The following ITGA4 variants were observed in gnomAD, a reference collection of about 807,000 sequenced individuals.
The protein encoded by ITGA4 is integrin subunit alpha 4.
In ITGA4, 63 loss-of-function variants were observed where a neutral mutation model predicts 133.6. The ratio of observed to expected loss-of-function variants is 0.47; its 90% confidence interval spans 0.38 to 0.58. The LOEUF (loss-of-function observed/expected upper bound fraction) is 0.58. ITGA4 is among the 20% of genes least tolerant of loss of function. The pLI is 0.00. For synonymous variants in ITGA4, 483 were observed against 438.0 expected, an observed-to-expected ratio of 1.10 and a Z score of -1.28; for missense variants, 1,076 against 1,252.7, an observed-to-expected ratio of 0.86 and a Z score of 2.13.
chr2:181,480,514 A>C (rs1181818025), intron 6 of ITGA4, among the ~76,000 whole-genome samples: 3 of 151,992 alleles, frequency 2.0e-5, no homozygotes, highest in African/African-American at 7.2e-5. Context: ...AGTTTAGTTT[A>C]CTCTTTGTAG....
intron 2 of ITGA4, among the ~76,000 whole-genome samples, chr2:181,472,096 G>A (rs1418961880): frequency 1.3e-5 from 2 of 152,230 alleles, no homozygotes; most frequent in African/African-American, 4.8e-5. Context: ...GTAAACCTCA[G>A]TGTGAGCCTG....
At position 181,481,569 on chromosome 2, in the gene ITGA4, ACT is replaced by A. The variant is rs775757273; in HGVS notation, c.755-25_755-24del. 1.7e-5 allele frequency: 21 copies of A among 1,241,100 alleles called. No homozygotes were observed. In the East Asian group the frequency reaches 4.3e-4, roughly 25 times the overall value. The allele number at this position is 1,241,100 out of a possible 1,614,324, so 76.9% of individuals were successfully genotyped here. ...TACCATATGATGTACTTTACCCAGG[ACT>A]CTCATACTTTCTCCCTTTTCTTAAA... On this transcript the variant is annotated intron_variant, in intron 6 of 27. Transcript: ENST00000397033.
intron 17 of ITGA4, among the ~76,000 whole-genome samples, chr2:181,515,314 G>A (rs1686583592): frequency 6.6e-6 from 1 of 152,014 alleles, no homozygotes; most frequent in Non-Finnish European, 1.5e-5. Flanking sequence ...GACTCATTAA[G>A]GTTGTCTTAA....
chr2:181,462,128 G>A (rs1045344158), intron 2 of ITGA4, among the ~76,000 whole-genome samples: 2 of 152,204 alleles, frequency 1.3e-5, no homozygotes, highest in African/African-American at 2.4e-5. Flanking sequence ...GAAACATTAA[G>A]TTCTCTGTGT....
chr2:181,536,864 T>C lies in ITGA4; in HGVS notation c.*1337T>C. 1 of 433,006 alleles carries C rather than the reference T, an allele frequency of 2.3e-6. No individual in the cohort carries two copies. 26.8% of individuals were successfully genotyped at this position (433,006 alleles called of 1,614,324 possible). ...CCTTCATAAGAGAGCTGTGGCCGAATTTTGAACATCTGTTATAGGGAGTGA... is the reference window on the plus strand; with the variant it reads ...CCTTCATAAGAGAGCTGTGGCCGAACTTTGAACATCTGTTATAGGGAGTGA... On this transcript the variant is annotated 3_prime_UTR_variant, in exon 28 of 28. Transcript: ENST00000397033.
At chr2:181,475,407 G>A in intron 4 of ITGA4, 119 bp downstream of exon 4, 1 of 795,120 alleles carries the variant, frequency 1.3e-6, no homozygotes, top group Non-Finnish European at 2.0e-6. Context: ...AAGTAATTAT[G>A]TTCTTTTTAA....
In ITGA4 at chr2:181,485,851, A is replaced by G. The variant is rs1427494987; in HGVS notation, c.1042-30A>G. ...TGTAAAGTTGTCAGGGAGTGTTATAATGACACGTTTTCTCTCCCTTTCTAT... is the reference window on the plus strand; with the variant it reads ...TGTAAAGTTGTCAGGGAGTGTTATAGTGACACGTTTTCTCTCCCTTTCTAT... On this transcript the variant is annotated intron_variant, in intron 9 of 27. Transcript: ENST00000397033. The G allele has an allele frequency of 6.5e-6, 10 of 1,549,916 alleles. No individual in the cohort carries two copies. In the Admixed American group the frequency reaches 1.7e-4, roughly 26 times the overall value.
intron 2 of ITGA4, among the ~76,000 whole-genome samples, chr2:181,469,376 G>A (rs183560172): frequency 1.8e-4 from 28 of 152,158 alleles, no homozygotes; most frequent in Non-Finnish European, 3.5e-4. Context: ...ACACCAATCC[G>A]TAAACTTAGA....
chr2:181,520,179 AAC>A (rs1686689304), intron 17 of ITGA4, among the ~76,000 whole-genome samples: 1 of 152,126 alleles, frequency 6.6e-6, no homozygotes, highest in East Asian at 1.9e-4. Flanking sequence ...GAAGGTGGTT[AAC>A]AGTGAGTTTT....
intron 17 of ITGA4, among the ~76,000 whole-genome samples, chr2:181,512,340 T>C (rs546262071): frequency 7.2e-5 from 11 of 151,996 alleles, no homozygotes; most frequent in Non-Finnish European, 1.5e-4. Context: ...GGGATATAAA[T>C]GGAGCAGCTT....
chr2:181,491,228 C>T (rs1686044935), intron 10 of ITGA4, among the ~76,000 whole-genome samples: 1 of 152,174 alleles, frequency 6.6e-6, no homozygotes, highest in East Asian at 1.9e-4. Context: ...ATCACTCTTG[C>T]TAATAACAGG....
rs780466972 is a variant in ITGA4 at position 181,527,445 on chromosome 2, A to C, written c.2430+58A>C. 1.5e-5 allele frequency: 18 copies of C among 1,163,614 alleles called. No individual in the cohort carries two copies. The African/African-American group carries it at 1.7e-4, about 11-fold the overall frequency. The allele number at this position is 1,163,614 out of a possible 1,614,324, so 72.1% of individuals were successfully genotyped here. On this transcript the variant is annotated intron_variant, in intron 22 of 27. Coordinates refer to ENST00000397033, the MANE Select transcript of ITGA4 (RefSeq NM_000885.6). The stretch of plus-strand genomic sequence containing the variant: ...CAACCTAAAAGGATGTCACTGATGC[A>C]TTGCTCCAAGGGACATTGTACACCT...
chr2:181,528,866 T>A (rs1473468818), intron 22 of ITGA4, among the ~76,000 whole-genome samples: 1 of 152,224 alleles, frequency 6.6e-6, no homozygotes, highest in Non-Finnish European at 1.5e-5. Flanking sequence ...TTTTCAGGAA[T>A]CTTCAATCCC....
At chr2:181,458,361 C>T (rs1685185447) in intron 2 of ITGA4, 44 bp downstream of exon 2, 1 of 1,591,784 alleles carries the variant, frequency 6.3e-7, no homozygotes, top group Non-Finnish European at 8.6e-7. Context: ...TCCCGACCCC[C>T]CATGTGGACC....
chr2:181,482,277 T>G, intron 7 of ITGA4, 83 bp from the exon 8 acceptor site: 1 of 1,344,968 alleles, frequency 7.4e-7, no homozygotes, highest in Middle Eastern at 2.4e-4. Flanking sequence ...TTGTAAAAAT[T>G]CATGTTTTGA....
At position 181,457,735 on chromosome 2, in the gene ITGA4, G is replaced by GGTCCC; in HGVS notation, c.83_87dup (p.Thr30SerfsTer41). The GGTCCC allele has an allele frequency of 6.2e-7, 1 of 1,612,980 alleles. No homozygotes were observed. Among genetic ancestry groups the GGTCCC allele is most frequent in the Non-Finnish European group, 8.5e-7 (1 of 1,179,818 alleles). ...CGGTGATGCTGTTGCTGTGCCTGGG[G>GGTCCC]GTCCCGACCGGCCGCCCCTACAACG... On this transcript the variant is annotated frameshift_variant, in exon 1 of 28. Transcript: ENST00000397033. LOFTEE classifies it high-confidence loss of function.
chr2:181,496,175 A>G (rs889295238), intron 14 of ITGA4, among the ~76,000 whole-genome samples: 7 of 152,348 alleles, frequency 4.6e-5, no homozygotes, highest in Middle Eastern at 3.4e-3. Context: ...CAAAGGACAT[A>G]GTATCACTTG....
rs1332994081 is a variant in ITGA4, at chr2:181,458,247, C to T, written c.249C>T (p.Ile83=). The T allele has an allele frequency of 3.1e-6, 5 of 1,613,506 alleles. No individual in the cohort carries two copies. Among genetic ancestry groups the T allele is most frequent in the East Asian group, 4.5e-5 (2 of 44,858 alleles). The change falls in exon 2 of 28, where the codon ATC becomes ATT. Residue 83 remains isoleucine, a synonymous_variant. Coordinates refer to ENST00000397033, the MANE Select transcript of ITGA4 (RefSeq NM_000885.6). ...TANWLANASV[I]NPGAIYRCRI... ...ACTGGCTCGCCAACGCTTCAGTGATCAATCCCGGGGCGATTTACAGATGCA... is the reference window on the plus strand; with the variant it reads ...ACTGGCTCGCCAACGCTTCAGTGATTAATCCCGGGGCGATTTACAGATGCA...
chr2:181,500,682 A>G (rs1388094485), intron 15 of ITGA4, among the ~76,000 whole-genome samples: 1 of 152,136 alleles, frequency 6.6e-6, no homozygotes, highest in East Asian at 1.9e-4. Context: ...CCCACTTGTC[A>G]GAGGACTCCC....
Sources: gnomAD v4.1 joint callset for allele counts (sites outside exome capture counted in the v4.1 genomes callset) on GRCh38, gnomAD v4.1.1 for gene constraint, MANE v1.5 for transcripts, NCBI Gene and HGNC (gene_info 2026-07-23, HGNC 2026-07-21) for gene names.